Variants in PCDHGA3 observed in about 807,000 individuals in gnomAD.
PCDHGA3 encodes protocadherin gamma-A3.
PCDHGA3 carries 40 observed loss-of-function variants against 58.5 expected under a neutral mutation model. The observed-to-expected ratio is 0.68, with a 90% CI of 0.53 to 0.89. PCDHGA3 has a LOEUF of 0.89. Among genes scored for constraint, PCDHGA3 ranks in the 40% least tolerant of loss-of-function variants. The pLI is 0.00. For missense variants in PCDHGA3, 1,223 were observed against 1,195.9 expected (o/e 1.02, Z -0.33); for synonymous variants, 530 against 525.7 (o/e 1.01, Z -0.11).
chr5:141,352,036 A>G, intron 1 of PCDHGA3: 1 of 1,608,834 alleles, frequency 6.2e-7, no homozygotes, highest in Admixed American at 1.7e-5. Context: ...CGGTGGACGC[A>G]GACTCAGGAC....
chr5:141,386,119 G>T (rs2090470238), intron 1 of PCDHGA3: 1 of 152,186 alleles, frequency 6.6e-6, no homozygotes, highest in Non-Finnish European at 1.5e-5. Context: ...ATCAAAGTGG[G>T]AGATTGGGGA....
In PCDHGA3 at chr5:141,490,755, C is replaced by T; in HGVS notation, c.2425-4052C>T. ...AGGTTCAGGGAGCCCCAGCCTCCTC[C>T]TTTGTGTATGTCAACCCAGAGGATG... On this transcript the variant is annotated intron_variant, in intron 1 of 3. Transcript: ENST00000253812. This position sits in a 1 kb window ranked among gnomAD's most constrained non-coding sequence, Gnocchi z 5.4. 1 of 1,614,190 alleles carries T rather than the reference C, an allele frequency of 6.2e-7. No individual in the cohort carries two copies. Among genetic ancestry groups the T allele is most frequent in the Non-Finnish European group, 8.5e-7 (1 of 1,180,026 alleles).
At chr5:141,393,583 C>A in intron 1 of PCDHGA3, 1 of 1,613,930 alleles carries the variant, frequency 6.2e-7, no homozygotes, top group Non-Finnish European at 8.5e-7. Context: ...AACATGCCCC[C>A]AGGCACGCGG....
intron 1 of PCDHGA3, among the ~76,000 whole-genome samples, chr5:141,437,807 G>T (rs910427301): frequency 6.7e-6 from 1 of 149,476 alleles, no homozygotes; most frequent in Non-Finnish European, 1.5e-5. Flanking sequence ...GCACTATCTT[G>T]GCTCACTGCA....
rs911954966 is a variant in PCDHGA3, at chr5:141,491,081, C to G, written c.2425-3726C>G. On this transcript the variant is annotated intron_variant, in intron 1 of 3. Coordinates refer to ENST00000253812, the MANE Select transcript of PCDHGA3 (RefSeq NM_018916.4). This position sits in a 1 kb window ranked among gnomAD's most constrained non-coding sequence, Gnocchi z 6.9. ...TCCTACTCACTGTTGCCACAGTCCACAGCCCCAGGACTGTTCCTCGTGTCT... is the reference window on the plus strand; with the variant it reads ...TCCTACTCACTGTTGCCACAGTCCAGAGCCCCAGGACTGTTCCTCGTGTCT... The G allele has an allele frequency of 4.3e-6, 7 of 1,614,176 alleles. No individual in the cohort carries two copies. Among genetic ancestry groups the G allele is most frequent in the Non-Finnish European group, 5.9e-6 (7 of 1,180,010 alleles).
At chr5:141,466,058 C>T (rs970494567) in intron 1 of PCDHGA3, among the ~76,000 whole-genome samples, 2 of 152,046 alleles carry the variant, frequency 1.3e-5, no homozygotes, top group African/African-American at 4.8e-5. Flanking sequence ...GGAGACGGAG[C>T]TTGCAGTGAG....
chr5:141,451,809 A>C (rs1316571749), intron 1 of PCDHGA3, among the ~76,000 whole-genome samples: 1 of 150,308 alleles, frequency 6.7e-6, no homozygotes, highest in Non-Finnish European at 1.5e-5. Flanking sequence ...TGAACCCAGG[A>C]GGCGGAGGTT....
intron 2 of PCDHGA3, among the ~76,000 whole-genome samples, chr5:141,501,771 G>A (rs957546749): frequency 7.2e-5 from 11 of 152,118 alleles, no homozygotes; most frequent in African/African-American, 2.7e-4. Context: ...GGTTAAAAAA[G>A]AGGTCTCTCT....
At position 141,476,247 on chromosome 5, in the gene PCDHGA3, G is replaced by C. The variant is rs1439421662; in HGVS notation, c.2425-18560G>C. 1 of 1,614,042 alleles carries C rather than the reference G, an allele frequency of 6.2e-7. No individual in the cohort carries two copies. Among genetic ancestry groups the C allele is most frequent in the Non-Finnish European group, 8.5e-7 (1 of 1,180,010 alleles). ...GAGATCCCGGAGGAAAGAGAGAAGG[G>C]TTTCGCTGTGGGCAACGTGGTCGCG... On this transcript the variant is annotated intron_variant, in intron 1 of 3. Coordinates refer to ENST00000253812, the MANE Select transcript of PCDHGA3 (RefSeq NM_018916.4). The surrounding 1 kb of genome is among the most constrained non-coding windows in gnomAD (Gnocchi z 7.6).
intron 1 of PCDHGA3, chr5:141,360,518 A>T (rs764837535): frequency 3.1e-6 from 5 of 1,613,996 alleles, no homozygotes; most frequent in Non-Finnish European, 4.2e-6. Flanking sequence ...GATATAAATG[A>T]TAATACCCCG....
chr5:141,455,876 TTTA>T (rs1271603055), intron 1 of PCDHGA3, among the ~76,000 whole-genome samples: 2 of 146,624 alleles, frequency 1.4e-5, no homozygotes, highest in Non-Finnish European at 1.5e-5. Context: ...TATTTATTTA[TTTA>T]TTTATTTATT....
chr5:141,467,268 G>C lies in PCDHGA3; in HGVS notation c.2425-27539G>C, dbSNP rs1195615721. On this transcript the variant is annotated intron_variant, in intron 1 of 3. Transcript: ENST00000253812. The stretch of plus-strand genomic sequence containing the variant: ...GGGTTTCACCATGTTGGCCAGGCTG[G>C]TCTCGAACTCTTGACCTCAAGTGAT... Among the ~76,000 whole-genome samples, 3 of 152,030 alleles carry C rather than the reference G, an allele frequency of 2.0e-5. No homozygotes were observed. The South Asian group carries it at 6.2e-4, about 32-fold the overall frequency.
intron 1 of PCDHGA3, chr5:141,372,201 T>C: frequency 6.2e-7 from 1 of 1,613,588 alleles, no homozygotes; most frequent in Non-Finnish European, 8.5e-7. Flanking sequence ...ATACAACGCC[T>C]GGCTGTCCTA....
At chr5:141,376,345 C>G (rs747833428) in intron 1 of PCDHGA3, 1 of 1,614,084 alleles carries the variant, frequency 6.2e-7, no homozygotes, top group African/African-American at 1.3e-5. Context: ...AGACCTATTC[C>G]CACGAGGTCT....
At chr5:141,483,084 CA>C (rs898059463) in intron 1 of PCDHGA3, among the ~76,000 whole-genome samples, 4 of 150,440 alleles carry the variant, frequency 2.7e-5, no homozygotes, top group Middle Eastern at 3.4e-3. Flanking sequence ...GACTCCATCT[CA>C]AAAAAAAAGT....
intron 1 of PCDHGA3, among the ~76,000 whole-genome samples, chr5:141,445,978 TTATAAA>T (rs551337386): frequency 6.6e-6 from 1 of 152,272 alleles, no homozygotes; most frequent in East Asian, 1.9e-4. Context: ...TTTATGAGGG[TTATAAA>T]TAGAAATAGG....
chr5:141,360,899 T>G, intron 1 of PCDHGA3: 1 of 1,614,042 alleles, frequency 6.2e-7, no homozygotes, highest in South Asian at 1.1e-5. Context: ...AGGGAGGACG[T>G]GCCGCCGGGC....
chr5:141,388,521 ACTGC>A, intron 1 of PCDHGA3: 1 of 1,613,840 alleles, frequency 6.2e-7, no homozygotes, highest in Non-Finnish European at 8.5e-7. Context: ...CTTGACTTTG[ACTGC>A]CTTGGACTTT....
intron 1 of PCDHGA3, chr5:141,365,522 G>A (rs771198048): frequency 1.9e-6 from 3 of 1,613,770 alleles, no homozygotes; most frequent in African/African-American, 1.3e-5. Context: ...GGAGAAGTCA[G>A]TTGATAATTA....
Sources: allele counts gnomAD v4.1 joint callset (sites outside exome capture counted in the v4.1 genomes callset), GRCh38; gene constraint gnomAD v4.1.1; non-coding constraint Gnocchi (gnomAD v3.1); transcripts MANE v1.5; gene names NCBI Gene and HGNC (gene_info 2026-07-23, HGNC 2026-07-21).